The following SPC24 variants were observed in gnomAD, a reference collection of about 807,000 sequenced individuals.
SPC24 encodes the protein SPC24 component of NDC80 kinetochore complex.
SPC24 carries 31 observed loss-of-function variants against 27.6 expected under a neutral mutation model. The ratio of observed to expected loss-of-function variants is 1.12; its 90% confidence interval spans 0.84 to 1.52. SPC24 has a LOEUF of 1.52. Ranked by LOEUF, SPC24 falls within the 40% of genes most tolerant of loss-of-function variation. The pLI is 0.00. For synonymous variants in SPC24, 105 were observed against 105.8 expected, an observed-to-expected ratio of 0.99 and a Z score of 0.05; for missense variants, 284 against 252.5, an observed-to-expected ratio of 1.12 and a Z score of -0.84.
chr19:11,151,683 C>G (rs1375746501), intron 1 of SPC24, among the ~76,000 whole-genome samples: 1 of 151,966 alleles, frequency 6.6e-6, no homozygotes, highest in Non-Finnish European at 1.5e-5. Context: ...GGTCTCAGCT[C>G]ACTGCAACCT....
chr19:11,151,093 G>A (rs1439236497), intron 1 of SPC24, among the ~76,000 whole-genome samples: 2 of 150,024 alleles, frequency 1.3e-5, no homozygotes, highest in Non-Finnish European at 3.0e-5. Context: ...AACCTGGGAG[G>A]CGGAGCTTGC....
rs2077829979 is a variant in SPC24 at position 11,146,929 on chromosome 19, A to C, written c.*254T>G. ...AACTCCATCTCTACCAAATACAAAAAATTAGCTGGGTGTGGTGGCGCATGC... is the reference window on the plus strand; with the variant it reads ...AACTCCATCTCTACCAAATACAAAACATTAGCTGGGTGTGGTGGCGCATGC... On this transcript the variant is annotated 3_prime_UTR_variant, in exon 5 of 5. Transcript: ENST00000592540. The C allele has an allele frequency of 4.2e-6, 1 of 236,754 alleles. No homozygotes were observed. Among genetic ancestry groups the C allele is most frequent in the African/African-American group, 2.3e-5 (1 of 43,294 alleles). 14.7% of individuals were successfully genotyped at this position (236,754 alleles called of 1,614,324 possible). A position where few individuals can be genotyped will look rare whatever the true frequency, so the allele number is the denominator to read the frequency against.
At chr19:11,155,431 T>G (rs544725596) in intron 1 of SPC24, among the ~76,000 whole-genome samples, 186 bp downstream of exon 1, 31 of 152,238 alleles carry the variant, frequency 2.0e-4, no homozygotes, top group African/African-American at 7.0e-4. Flanking sequence ...GGGTGGGGGA[T>G]GGTTGCTGTC....
chr19:11,151,911 T>TG lies in SPC24; in HGVS notation c.161-2674_161-2673insC, dbSNP rs200985696. 1.2e-3 allele frequency among the ~76,000 whole-genome samples: 185 copies of TG among 149,750 alleles called. 3 individuals are homozygous for TG. The East Asian group carries it at 0.027, about 22-fold the overall frequency. ...GTGTGAGCCACCGCACCAGGCCTTT[T>TG]TTTTTTTTTAAACTTTTATTATTAT... On this transcript the variant is annotated intron_variant, in intron 1 of 4. Coordinates refer to ENST00000592540, the MANE Select transcript of SPC24 (RefSeq NM_182513.4).
chr19:11,145,503 G>A lies in SPC24; in HGVS notation c.*1680C>T, dbSNP rs1394839581. ...TGGCCGGCCCTGGACTGGAGTACAT[G>A]TTCAGTTAGGGTTTATTTTGGTATC... On this transcript the variant is annotated 3_prime_UTR_variant, in exon 5 of 5. Coordinates refer to ENST00000592540, the MANE Select transcript of SPC24 (RefSeq NM_182513.4). The A allele has an allele frequency of 6.6e-6, 1 of 152,162 alleles. No homozygotes were observed. The highest frequency in any genetic ancestry group is 1.5e-5 in the Non-Finnish European group (1 of 68,054). The allele number at this position is 152,162 out of a possible 1,614,324, so 9.4% of individuals were successfully genotyped here. A position where few individuals can be genotyped will look rare whatever the true frequency, so the allele number is the denominator to read the frequency against.
intron 1 of SPC24, among the ~76,000 whole-genome samples, chr19:11,150,028 A>T (rs1293284484): frequency 3.3e-5 from 5 of 151,352 alleles, no homozygotes; most frequent in African/African-American, 1.2e-4. Context: ...AATATTAAAA[A>T]CACAAAAAAT....
At chr19:11,149,978 G>A (rs1403007116) in intron 1 of SPC24, among the ~76,000 whole-genome samples, 1 of 151,618 alleles carries the variant, frequency 6.6e-6, no homozygotes, top group Non-Finnish European at 1.5e-5. Flanking sequence ...CCAAAGTGCT[G>A]GGATTACAGG....
Position 11,146,306 on chromosome 19 carries a change from G to A in SPC24, c.*877C>T, listed in dbSNP as rs2163839. The A allele has an allele frequency of 0.94, 141,495 of 151,170 alleles. 66,305 individuals are homozygous for A. Among genetic ancestry groups the A allele is most frequent in the Middle Eastern group, 0.97 (282 of 292 alleles). The allele number at this position is 151,170 out of a possible 1,614,324, so 9.4% of individuals were successfully genotyped here. On this transcript the variant is annotated 3_prime_UTR_variant, in exon 5 of 5. Coordinates refer to ENST00000592540, the MANE Select transcript of SPC24 (RefSeq NM_182513.4). Reference sequence around the variant, plus strand: ...TGAATGAGTAAGGGCCAACCTTGAAGTACCTGGGAGCTGTCATCGAATACC... The same window carrying A: ...TGAATGAGTAAGGGCCAACCTTGAAATACCTGGGAGCTGTCATCGAATACC...
At chr19:11,152,558 A>G (rs1036708974) in intron 1 of SPC24, among the ~76,000 whole-genome samples, 2 of 152,156 alleles carry the variant, frequency 1.3e-5, no homozygotes, top group Admixed American at 1.3e-4. Context: ...CATGAAAAAC[A>G]GGTCCAGAGA....
rs1031168919 is a variant in SPC24, at chr19:11,146,535, G to A, written c.*648C>T. On this transcript the variant is annotated 3_prime_UTR_variant, in exon 5 of 5. Transcript: ENST00000592540. ...AATCCCAGCACTTTGGGAGGCCAAG[G>A]CGGGCAGATCACAAACTCAGGAGAT... 4.8e-5 allele frequency: 7 copies of A among 144,670 alleles called. No individual in the cohort carries two copies. The highest frequency in any genetic ancestry group is 2.9e-4 in the Admixed American group (4 of 13,766). The allele number at this position is 144,670 out of a possible 1,614,324, so 9.0% of individuals were successfully genotyped here.
rs748548322 is a variant in SPC24, at chr19:11,148,075, C to G, written c.348G>C (p.Ala116=). ...RELEELKEIE[A]DLERQEKEVD... ...CCTCCTTCTCCTGTCGCTCCAGATC[C>G]GCCTCAATCTCCTTGAGCTCTTCCA... Residue 116 remains alanine, a synonymous_variant, in exon 3 of 5, where the codon GCG becomes GCC. Coordinates refer to ENST00000592540, the MANE Select transcript of SPC24 (RefSeq NM_182513.4). 6.2e-7 allele frequency: 1 copy of G among 1,613,724 alleles called. No individual in the cohort carries two copies. Among genetic ancestry groups the G allele is most frequent in the Admixed American group, 1.7e-5 (1 of 59,960 alleles).
chr19:11,148,240 C>A (rs1452725495), intron 2 of SPC24, 123 bp from the exon 3 acceptor site: 6 of 663,044 alleles, frequency 9.0e-6, no homozygotes, highest in Admixed American at 8.0e-5. Context: ...CAGAGTTTTG[C>A]TTTGTCACCC....
rs747127191 is a variant in SPC24 at position 11,146,767 on chromosome 19, CAA to C, written c.*414_*415del. 4.0e-4 allele frequency: 35 copies of C among 87,864 alleles called. No individual in the cohort carries two copies. The highest frequency in any genetic ancestry group is 6.5e-4 in the Admixed American group (5 of 7,732). The allele number at this position is 87,864 out of a possible 1,614,324, so 5.4% of individuals were successfully genotyped here. A position where few individuals can be genotyped will look rare whatever the true frequency, so the allele number is the denominator to read the frequency against. On this transcript the variant is annotated 3_prime_UTR_variant, in exon 5 of 5. Transcript: ENST00000592540. The stretch of plus-strand genomic sequence containing the variant: ...TGGGCGACAGAGTGAGACTCCGTCT[CAA>C]AAAAAAAAAAAAAAGGAAGACGTCT...
chr19:11,150,495 A>AG (rs908172108), intron 1 of SPC24, among the ~76,000 whole-genome samples: 1 of 151,854 alleles, frequency 6.6e-6, no homozygotes, highest in African/African-American at 2.4e-5. Flanking sequence ...TAAAAAAAAA[A>AG]AAGAAAAAAG....
chr19:11,148,151 G>T, intron 2 of SPC24, 34 bp from the exon 3 acceptor site: 1 of 1,490,814 alleles, frequency 6.7e-7, no homozygotes, highest in Non-Finnish European at 9.3e-7. Context: ...CGGCTTTCGA[G>T]AGAGGGCTGC....
chr19:11,152,043 C>T (rs1364974567), intron 1 of SPC24, among the ~76,000 whole-genome samples: 2 of 151,814 alleles, frequency 1.3e-5, no homozygotes, highest in African/African-American at 4.8e-5. Context: ...GCCTCAGACT[C>T]CCGAGTAGCT....
chr19:11,153,001 C>T (rs1600792483), intron 1 of SPC24, among the ~76,000 whole-genome samples: 1 of 151,868 alleles, frequency 6.6e-6, no homozygotes, highest in Non-Finnish European at 1.5e-5. Context: ...AATCAAGGCT[C>T]AGCCCAGGCC....
intron 2 of SPC24, 70 bp downstream of exon 2, chr19:11,149,024 G>A: frequency 7.2e-7 from 1 of 1,389,674 alleles, no homozygotes; most frequent in Non-Finnish European, 9.4e-7. Flanking sequence ...TGGGATTACA[G>A]GCTTGAGCCA....
At position 11,155,623 on chromosome 19, in the gene SPC24, G is replaced by C. The variant is rs2077905056; in HGVS notation, c.154C>G (p.Leu52Val). The C allele has an allele frequency of 1.3e-6, 2 of 1,544,272 alleles. No individual in the cohort carries two copies. Among genetic ancestry groups the C allele is most frequent in the African/African-American group, 2.7e-5 (2 of 72,908 alleles). Reference protein sequence around the residue: ...LETQDGAEKQLREILTMEKEV... With the variant: ...LETQDGAEKQVREILTMEKEV... ...ACCACGCTCCGACCCTCACCTCGCA[G>C]CTGCTTCTCGGCACCGTCTTGCGTT... is the stretch of plus-strand genomic sequence containing the variant. Residue 52 changes from leucine to valine, a missense_variant, in exon 1 of 5, where the codon CTG becomes GTG. Leu to Val is a conservative substitution (Grantham distance 32, BLOSUM62 1). Transcript: ENST00000592540.
Sources: allele counts gnomAD v4.1 joint callset (sites outside exome capture counted in the v4.1 genomes callset), GRCh38; gene constraint gnomAD v4.1.1; transcripts MANE v1.5; gene names NCBI Gene and HGNC (gene_info 2026-07-23, HGNC 2026-07-21).